The following GRM2 variants were observed in gnomAD, a reference collection of about 807,000 sequenced individuals.
The protein encoded by GRM2 is glutamate metabotropic receptor 2.
GRM2 carries 35 observed loss-of-function variants against 60.4 expected under a neutral mutation model. That is an observed-to-expected ratio of 0.58 (90% CI 0.44 to 0.77). The LOEUF is 0.77. GRM2 is among the 30% of genes least tolerant of loss of function. GRM2 has a pLI of 0.00. For missense variants in GRM2, 925 were observed against 1,199.5 expected (o/e 0.77, Z 3.38); for synonymous variants, 437 against 484.1 (o/e 0.90, Z 1.28).
At position 51,715,998 on chromosome 3, in the gene GRM2, G is replaced by T; in HGVS notation, c.2225G>T (p.Cys742Phe). The T allele has an allele frequency of 6.2e-7, 1 of 1,614,228 alleles. No individual in the cohort carries two copies. The highest frequency in any genetic ancestry group is 8.5e-7 in the Non-Finnish European group (1 of 1,180,036). ...TACAATGTGCTCCTCATCGCGCTCT[G>T]CACGCTTTATGCCTTCAAGACTCGC... Reference protein sequence around the residue: ...LAYNVLLIALCTLYAFKTRKC... With the variant: ...LAYNVLLIALFTLYAFKTRKC... Residue 742 changes from cysteine to phenylalanine, a missense_variant, in exon 4 of 6, where the codon TGC becomes TTC. Physicochemically the swap from Cys to Phe is radical, Grantham distance 205. Coordinates refer to ENST00000395052, the MANE Select transcript of GRM2 (RefSeq NM_000839.5). This position sits in a 1 kb window ranked among gnomAD's most constrained non-coding sequence, Gnocchi z 9.0.
Position 51,718,461 on chromosome 3 carries a change from C to T in GRM2, c.*349C>T. 3.7e-6 allele frequency: 1 copy of T among 269,574 alleles called. No individual in the cohort carries two copies. Among genetic ancestry groups the T allele is most frequent in the Admixed American group, 4.8e-5 (1 of 20,634 alleles). 16.7% of individuals were successfully genotyped at this position (269,574 alleles called of 1,614,324 possible). ...AGCAAAGGTGCTTCCAGCCCAGCCC[C>T]TCCCCCCAACTAGGGCCTTTTTTAT... On this transcript the variant is annotated 3_prime_UTR_variant, in exon 6 of 6. Coordinates refer to ENST00000395052, the MANE Select transcript of GRM2 (RefSeq NM_000839.5). This position sits in a 1 kb window ranked among gnomAD's most constrained non-coding sequence, Gnocchi z 4.2.
chr3:51,718,313 G>A lies in GRM2; in HGVS notation c.*201G>A. 1.7e-6 allele frequency: 1 copy of A among 593,326 alleles called. No individual in the cohort carries two copies. The highest frequency in any genetic ancestry group is 3.0e-6 in the Non-Finnish European group (1 of 330,106). 36.8% of individuals were successfully genotyped at this position (593,326 alleles called of 1,614,324 possible). On this transcript the variant is annotated 3_prime_UTR_variant, in exon 6 of 6. Transcript: ENST00000395052. This position sits in a 1 kb window ranked among gnomAD's most constrained non-coding sequence, Gnocchi z 4.2. ...GCCTTGGCCAGGAGCCTCTGCAGTG[G>A]CCACTAACTGCCCTTGTAGCTGTGT...
rs1703898092 is a variant in GRM2 at position 51,716,330 on chromosome 3, G to A, written c.2364+193G>A. 6.6e-6 allele frequency among the ~76,000 whole-genome samples: 1 copy of A among 152,178 alleles called. No homozygotes were observed. On this transcript the variant is annotated intron_variant, in intron 4 of 5. Coordinates refer to ENST00000395052, the MANE Select transcript of GRM2 (RefSeq NM_000839.5). This position sits in a 1 kb window ranked among gnomAD's most constrained non-coding sequence, Gnocchi z 4.0. ...CTAGGGAAATGGCCAGGGAGGTGGG[G>A]AACTCGAGTTAGAGAGAGCTGAGAT...
intron 2 of GRM2, among the ~76,000 whole-genome samples, chr3:51,711,963 C>T (rs1703724570): frequency 6.6e-6 from 1 of 152,216 alleles, no homozygotes; most frequent in South Asian, 2.1e-4. Context: ...GGAGACCAAG[C>T]CTTGGCCTAT....
At position 51,717,555 on chromosome 3, in the gene GRM2, C is replaced by T; in HGVS notation, c.2365-82C>T. 1 of 1,116,000 alleles carries T rather than the reference C, an allele frequency of 9.0e-7. No individual in the cohort carries two copies. The highest frequency in any genetic ancestry group is 1.3e-6 in the Non-Finnish European group (1 of 757,704). 69.1% of individuals were successfully genotyped at this position (1,116,000 alleles called of 1,614,324 possible). Reference sequence around the variant, plus strand: ...GTTGGATGCTTAGTCTCCCCCACTCCCTCCCCCACAGATCAGGCAGGGGGT... The same window carrying T: ...GTTGGATGCTTAGTCTCCCCCACTCTCTCCCCCACAGATCAGGCAGGGGGT... On this transcript the variant is annotated intron_variant, in intron 4 of 5. Coordinates refer to ENST00000395052, the MANE Select transcript of GRM2 (RefSeq NM_000839.5). The surrounding 1 kb of genome is among the most constrained non-coding windows in gnomAD (Gnocchi z 6.0).
intron 2 of GRM2, among the ~76,000 whole-genome samples, chr3:51,710,807 C>A (rs1008669688): frequency 3.9e-5 from 6 of 152,214 alleles, no homozygotes; most frequent in African/African-American, 1.4e-4. Flanking sequence ...CTCTGCTGCT[C>A]CCAGGGCTGT....
At position 51,716,666 on chromosome 3, in the gene GRM2, T is replaced by TGCC. The variant is rs1703906055; in HGVS notation, c.2364+530_2364+531insCCG. 6.6e-6 allele frequency among the ~76,000 whole-genome samples: 1 copy of TGCC among 152,142 alleles called. No individual in the cohort carries two copies. The highest frequency in any genetic ancestry group is 1.5e-5 in the Non-Finnish European group (1 of 68,004). On this transcript the variant is annotated intron_variant, in intron 4 of 5. Coordinates refer to ENST00000395052, the MANE Select transcript of GRM2 (RefSeq NM_000839.5). This position sits in a 1 kb window ranked among gnomAD's most constrained non-coding sequence, Gnocchi z 4.0. ...GGGGCAATGGCTGCTTCAGATAGGG[T>TGCC]GGTCAGGGAAGCCCTCTCTGAGGAG...
chr3:51,712,670 T>C lies in GRM2; in HGVS notation c.648T>C (p.Tyr216=). Residue 216 remains tyrosine, a synonymous_variant, in exon 3 of 6, where the codon TAT becomes TAC. Transcript: ENST00000395052. The surrounding 1 kb of genome is among the most constrained non-coding windows in gnomAD (Gnocchi z 5.3). The part of the protein sequence containing the change: ...YVSTVASEGD[Y]GETGIEAFEL... The stretch of plus-strand genomic sequence containing the variant: ...CCACTGTGGCGTCTGAGGGCGACTA[T>C]GGCGAGACAGGCATTGAGGCCTTTG... 1 of 1,614,106 alleles carries C rather than the reference T, an allele frequency of 6.2e-7. No homozygotes were observed. Among genetic ancestry groups the C allele is most frequent in the Non-Finnish European group, 8.5e-7 (1 of 1,180,044 alleles).
chr3:51,717,546 C>CCA lies in GRM2; in HGVS notation c.2365-90_2365-89insAC. On this transcript the variant is annotated intron_variant, in intron 4 of 5. Coordinates refer to ENST00000395052, the MANE Select transcript of GRM2 (RefSeq NM_000839.5). This position sits in a 1 kb window ranked among gnomAD's most constrained non-coding sequence, Gnocchi z 6.0. The stretch of plus-strand genomic sequence containing the variant: ...CAGCCCAGTGTTGGATGCTTAGTCT[C>CCA]CCCCACTCCCTCCCCCACAGATCAG... 1 of 1,013,634 alleles carries CCA rather than the reference C, an allele frequency of 9.9e-7. No homozygotes were observed. The highest frequency in any genetic ancestry group is 1.5e-6 in the Non-Finnish European group (1 of 669,634). The allele number at this position is 1,013,634 out of a possible 1,614,324, so 62.8% of individuals were successfully genotyped here.
chr3:51,717,716 A>C lies in GRM2; in HGVS notation c.2444A>C (p.His815Pro). The C allele has an allele frequency of 3.7e-6, 6 of 1,614,112 alleles. No individual in the cohort carries two copies. The highest frequency in any genetic ancestry group is 5.1e-6 in the Non-Finnish European group (6 of 1,180,002). Residue 815 changes from histidine to proline, a missense_variant, in exon 5 of 6, where the codon CAC (histidine) becomes CCC (proline). Transcript: ENST00000395052. The surrounding 1 kb of genome is among the most constrained non-coding windows in gnomAD (Gnocchi z 6.0). ...VLGCLFAPKL[H>P]IILFQPQKNV... ...GGCTGCCTCTTTGCGCCCAAGCTGC[A>C]CATCATCCTCTTCCAGCCGCAGAAG... is the stretch of plus-strand genomic sequence containing the variant.
Position 51,713,348 on chromosome 3 carries a change from G to C in GRM2, c.1288+38G>C. On this transcript the variant is annotated intron_variant, in intron 3 of 5. Coordinates refer to ENST00000395052, the MANE Select transcript of GRM2 (RefSeq NM_000839.5). The surrounding 1 kb of genome is among the most constrained non-coding windows in gnomAD (Gnocchi z 4.8). ...GCCAGTGTCCATTGGCCTGCTGGCT[G>C]TCAGAGGATGAGGGGAAGCAGAACT... The C allele has an allele frequency of 7.3e-7, 1 of 1,368,688 alleles. No homozygotes were observed. Among genetic ancestry groups the C allele is most frequent in the Non-Finnish European group, 1.0e-6 (1 of 982,336 alleles). 84.8% of individuals were successfully genotyped at this position (1,368,688 alleles called of 1,614,324 possible).
At position 51,718,019 on chromosome 3, in the gene GRM2, C is replaced by G; in HGVS notation, c.2546-20C>G. 1 of 1,612,804 alleles carries G rather than the reference C, an allele frequency of 6.2e-7. No homozygotes were observed. The highest frequency in any genetic ancestry group is 1.3e-5 in the African/African-American group (1 of 75,030). On this transcript the variant is annotated intron_variant, in intron 5 of 5. Transcript: ENST00000395052. This position sits in a 1 kb window ranked among gnomAD's most constrained non-coding sequence, Gnocchi z 4.2. ...GGAGGACCTCGGGATTGGCCCCAAC[C>G]TCTGGCTTCCTTTTCTTAGGGTCTG...
chr3:51,711,650 T>C (rs1368863800), intron 2 of GRM2: 1 of 152,298 alleles, frequency 6.6e-6, no homozygotes, highest in Non-Finnish European at 1.5e-5. Flanking sequence ...TTTTATCCTC[T>C]CAGCAGCCTT....
intron 2 of GRM2, among the ~76,000 whole-genome samples, chr3:51,709,701 A>C (rs2107089572): frequency 1.5e-5 from 1 of 66,744 alleles, no homozygotes; most frequent in East Asian, 4.1e-4. Flanking sequence ...ACACCCTCAC[A>C]CACACACACA....
chr3:51,718,111 GA>G lies in GRM2; in HGVS notation c.*1del. 1 of 1,613,660 alleles carries G rather than the reference GA, an allele frequency of 6.2e-7. No homozygotes were observed. The highest frequency in any genetic ancestry group is 8.5e-7 in the Non-Finnish European group (1 of 1,179,576). On this transcript the variant is annotated frameshift_variant and stop_lost, in exon 6 of 6. Coordinates refer to ENST00000395052, the MANE Select transcript of GRM2 (RefSeq NM_000839.5). LOFTEE classifies it high-confidence loss of function. This position sits in a 1 kb window ranked among gnomAD's most constrained non-coding sequence, Gnocchi z 4.2. Reference protein sequence around the residue: ...EVVDSTTSSL* With the variant: ...EVVDSTTSSLX ...GTGGACTCGACAACGTCATCGCTTT[GA>G]AGACCCCATACTCCCGCCCTGACAC...
chr3:51,709,504 A>G, intron 2 of GRM2, 71 bp downstream of exon 2: 1 of 1,105,904 alleles, frequency 9.0e-7, no homozygotes, highest in Non-Finnish European at 1.3e-6. Flanking sequence ...TCCTGCTGAA[A>G]AGGGGCTCAT....
rs1284585518 is a variant in GRM2 at position 51,717,009 on chromosome 3, G to A, written c.2365-628G>A. Among the ~76,000 whole-genome samples, 5 of 152,078 alleles carry A rather than the reference G, an allele frequency of 3.3e-5. No homozygotes were observed. Among genetic ancestry groups the A allele is most frequent in the Admixed American group, 6.5e-5 (1 of 15,276 alleles). On this transcript the variant is annotated intron_variant, in intron 4 of 5. Coordinates refer to ENST00000395052, the MANE Select transcript of GRM2 (RefSeq NM_000839.5). This position sits in a 1 kb window ranked among gnomAD's most constrained non-coding sequence, Gnocchi z 6.0. The stretch of plus-strand genomic sequence containing the variant: ...GCTTGGGTGGTAGAGGCCAGGGCTG[G>A]GGAGGGATTCTGCTCTGACTCAGCC...
At chr3:51,709,664 A>C (rs62259683) in intron 2 of GRM2, among the ~76,000 whole-genome samples, 6 of 58,774 alleles carry the variant, frequency 1.0e-4, no homozygotes, top group Non-Finnish European at 1.5e-4. Context: ...ACACACACAC[A>C]CCCTCACACA....
At position 51,718,476 on chromosome 3, in the gene GRM2, G is replaced by T. The variant is rs916382102; in HGVS notation, c.*364G>T. The T allele has an allele frequency of 4.2e-6, 1 of 238,122 alleles. No homozygotes were observed. Among genetic ancestry groups the T allele is most frequent in the Non-Finnish European group, 8.1e-6 (1 of 122,828 alleles). The allele number at this position is 238,122 out of a possible 1,614,324, so 14.8% of individuals were successfully genotyped here. A position where few individuals can be genotyped will look rare whatever the true frequency, so the allele number is the denominator to read the frequency against. On this transcript the variant is annotated 3_prime_UTR_variant, in exon 6 of 6. Transcript: ENST00000395052. The surrounding 1 kb of genome is among the most constrained non-coding windows in gnomAD (Gnocchi z 4.2). ...AGCCCAGCCCCTCCCCCCAACTAGG[G>T]CCTTTTTTATTTTTTATATAAGTTA... is the stretch of plus-strand genomic sequence containing the variant.
Sources: allele counts gnomAD v4.1 joint callset (sites outside exome capture counted in the v4.1 genomes callset), GRCh38; gene constraint gnomAD v4.1.1; non-coding constraint Gnocchi (gnomAD v3.1); transcripts MANE v1.5; gene names NCBI Gene and HGNC (gene_info 2026-07-23, HGNC 2026-07-21).